The following ITPRID1 variants were observed in gnomAD, a reference collection of about 807,000 sequenced individuals.
ITPRID1 encodes the protein protein ITPRID1.
Under a neutral mutation model 95.4 loss-of-function variants are expected in ITPRID1, and 96 were observed. The observed-to-expected ratio is 1.01, with a 90% CI of 0.85 to 1.19. ITPRID1 has a LOEUF of 1.19. ITPRID1 is among the 50% of genes most tolerant of loss of function. The probability of loss-of-function intolerance (pLI) is 0.00; values close to 1 mark genes in which losing one functional copy is unlikely to be tolerated. For missense variants in ITPRID1, 1,339 were observed against 1,252.9 expected, an observed-to-expected ratio of 1.07 and a Z score of -1.04; for synonymous variants, 510 against 453.6, an observed-to-expected ratio of 1.12 and a Z score of -1.58.
At chr7:31,532,155 T>G (rs773856909) in intron 1 of ITPRID1, among the ~76,000 whole-genome samples, 5 of 152,166 alleles carry the variant, frequency 3.3e-5, no homozygotes, top group Non-Finnish European at 7.3e-5. Context: ...TTATTTTATT[T>G]TGTTGCATGT....
Position 31,643,209 on chromosome 7 carries a change from C to G in ITPRID1, c.1839C>G (p.Asp613Glu), listed in dbSNP as rs143660819. 2 of 1,613,868 alleles carry G rather than the reference C, an allele frequency of 1.2e-6. No individual in the cohort carries two copies. The highest frequency in any genetic ancestry group is 1.7e-6 in the Non-Finnish European group (2 of 1,179,906). Residue 613 changes from aspartate (D) to glutamate (E), a missense_variant, in exon 12 of 15, where the codon GAC becomes GAG. Asp to Glu is a conservative substitution (Grantham distance 45). Transcript: ENST00000615280. ...CTCAAGACAAGTTCCTTCATGTTGA[C>G]TCTGAGGCCCCACGAGAAGAGGAAA... ...DHTQDKFLHV[D>E]SEAPREEESS...
chr7:31,583,335 C>A lies in ITPRID1; in HGVS notation c.1228+144C>A, dbSNP rs998826087. 2.8e-5 allele frequency: 16 copies of A among 566,828 alleles called. No individual in the cohort carries two copies. The African/African-American group carries it at 3.1e-4, about 11-fold the overall frequency. The allele number at this position is 566,828 out of a possible 1,614,324, so 35.1% of individuals were successfully genotyped here. A position where few individuals can be genotyped will look rare whatever the true frequency, so the allele number is the denominator to read the frequency against. On this transcript the variant is annotated intron_variant, in intron 10 of 14. Coordinates refer to ENST00000615280, the MANE Select transcript of ITPRID1 (RefSeq NM_001257967.3). ...ATGCATCTTCTGAGATATTAAAAGC[C>A]TACTGGCAGGCCGGGTGCGGTGGCT...
intron 10 of ITPRID1, among the ~76,000 whole-genome samples, chr7:31,586,974 G>T (rs1384464352): frequency 6.6e-6 from 1 of 152,042 alleles, no homozygotes; most frequent in African/African-American, 2.4e-5. Context: ...ATGGTTTTAG[G>T]TCTAACGTTT....
intron 1 of ITPRID1, among the ~76,000 whole-genome samples, chr7:31,543,438 G>A (rs1472188621): frequency 3.3e-5 from 5 of 152,042 alleles, no homozygotes; most frequent in Non-Finnish European, 7.4e-5. Context: ...TTGCTTATGA[G>A]TATATTCATA....
chr7:31,552,313 G>A (rs902569430), intron 2 of ITPRID1, among the ~76,000 whole-genome samples: 1 of 104,976 alleles, frequency 9.5e-6, no homozygotes, highest in African/African-American at 2.8e-5. Context: ...CTGGCTGGCT[G>A]TTTGGCTTTG....
intron 10 of ITPRID1, among the ~76,000 whole-genome samples, chr7:31,592,750 C>A (rs1388468766): frequency 6.6e-6 from 1 of 152,142 alleles, no homozygotes; most frequent in African/African-American, 2.4e-5. Flanking sequence ...TAGTGTATGG[C>A]CCACTGCCTA....
chr7:31,550,118 CT>C (rs995446792), intron 2 of ITPRID1, among the ~76,000 whole-genome samples: 14 of 148,144 alleles, frequency 9.5e-5, no homozygotes, highest in East Asian at 2.0e-4. Flanking sequence ...ATTTTGGTAC[CT>C]TTTTTTTTCC....
chr7:31,633,180 C>T (rs1018274189), intron 10 of ITPRID1, among the ~76,000 whole-genome samples: 2 of 151,646 alleles, frequency 1.3e-5, no homozygotes, highest in Admixed American at 6.6e-5. Context: ...CTACCGCGAC[C>T]GGCCAGGTCT....
chr7:31,653,072 C>A lies in ITPRID1; in HGVS notation c.*243C>A. ...TATGCAACAGTGACTAAATAGTATA[C>A]GGTCTCTGCCCTGCTAGAACTTACA... On this transcript the variant is annotated 3_prime_UTR_variant, in exon 15 of 15. Coordinates refer to ENST00000615280, the MANE Select transcript of ITPRID1 (RefSeq NM_001257967.3). 1.0e-6 allele frequency: 1 copy of A among 956,612 alleles called. No homozygotes were observed. Among genetic ancestry groups the A allele is most frequent in the Non-Finnish European group, 1.4e-6 (1 of 697,528 alleles). The allele number at this position is 956,612 out of a possible 1,614,324, so 59.3% of individuals were successfully genotyped here. A position where few individuals can be genotyped will look rare whatever the true frequency, so the allele number is the denominator to read the frequency against.
In ITPRID1 at chr7:31,643,799, A is replaced by T; in HGVS notation, c.2429A>T (p.His810Leu). The T allele has an allele frequency of 1.2e-6, 2 of 1,613,922 alleles. No individual in the cohort carries two copies. The highest frequency in any genetic ancestry group is 1.6e-4 in the Middle Eastern group (1 of 6,062). The change falls in exon 12 of 15, where the codon CAT (histidine) becomes CTT (leucine). Residue 810 changes from histidine (H) to leucine (L), a missense_variant. Coordinates refer to ENST00000615280, the MANE Select transcript of ITPRID1 (RefSeq NM_001257967.3). The stretch of plus-strand genomic sequence containing the variant: ...CCTGCCCACTGCTGCATCTGCTGTC[A>T]TCACCACCCTCACTGCCACGGGGAG... ...AIPAHCCICC[H>L]HHPHCHGERQ...
intron 9 of ITPRID1, among the ~76,000 whole-genome samples, chr7:31,581,482 A>G: frequency 6.6e-6 from 1 of 152,272 alleles, no homozygotes; most frequent in South Asian, 2.1e-4. Context: ...CATATCCATA[A>G]TAAATGATTT....
At chr7:31,622,908 A>C (rs1481649523) in intron 10 of ITPRID1, among the ~76,000 whole-genome samples, 1 of 152,220 alleles carries the variant, frequency 6.6e-6, no homozygotes, top group Non-Finnish European at 1.5e-5. Context: ...ACACAATAAA[A>C]AATGATAAAG....
chr7:31,587,103 A>G (rs1168073847), intron 10 of ITPRID1, among the ~76,000 whole-genome samples: 4 of 151,956 alleles, frequency 2.6e-5, no homozygotes, highest in Non-Finnish European at 5.9e-5. Flanking sequence ...CTCTCTCACC[A>G]CTCCTTTTCA....
chr7:31,655,077 T>G lies in ITPRID1; in HGVS notation c.*2248T>G, dbSNP rs1370424092. Among the ~76,000 whole-genome samples the G allele has an allele frequency of 6.6e-6, 1 of 152,166 alleles. No individual in the cohort carries two copies. The highest frequency in any genetic ancestry group is 2.4e-5 in the African/African-American group (1 of 41,442). On this transcript the variant is annotated 3_prime_UTR_variant, in exon 15 of 15. Transcript: ENST00000615280. ...ACTCTCCAAGCATCTATGACCCTGA[T>G]TCCCAGCTCTCTCCAGTATCCCAGC... is the stretch of plus-strand genomic sequence containing the variant.
chr7:31,650,524 C>CA (rs1377720267), intron 12 of ITPRID1, among the ~76,000 whole-genome samples: 1 of 152,166 alleles, frequency 6.6e-6, no homozygotes, highest in Non-Finnish European at 1.5e-5. Context: ...AAAGCGTAGA[C>CA]AAAGTTCAAT....
chr7:31,565,739 A>AAAAAATAAT (rs111795694), intron 5 of ITPRID1, among the ~76,000 whole-genome samples: 1 of 150,308 alleles, frequency 6.7e-6, no homozygotes, highest in African/African-American at 2.5e-5. Context: ...CTCCATCTCA[A>AAAAAATAAT]AAAAATAAAA....
At chr7:31,642,084 C>A in intron 10 of ITPRID1, 92 bp from the exon 11 acceptor site, 1 of 741,404 alleles carries the variant, frequency 1.3e-6, no homozygotes, top group Non-Finnish European at 2.2e-6. Flanking sequence ...CTGCAGGATC[C>A]ATGGTGTGTC....
In ITPRID1 at chr7:31,651,235, G is replaced by T. The variant is rs1428399751; in HGVS notation, c.2677G>T (p.Ala893Ser). ...TGAACAGCACCTTATGGGACAGCAG[G>T]CCCTCTTTTCCAGGGACATGTCAGA... is the stretch of plus-strand genomic sequence containing the variant. ...EIEQHLMGQQ[A>S]LFSRDMSEEE... is the part of the protein sequence containing the mutation. The change falls in exon 13 of 15, where the codon GCC becomes TCC. Residue 893 changes from alanine (A) to serine (S), a missense_variant. Transcript: ENST00000615280. The T allele has an allele frequency of 6.2e-7, 1 of 1,613,524 alleles. No homozygotes were observed. The highest frequency in any genetic ancestry group is 1.7e-5 in the Admixed American group (1 of 59,998).
intron 5 of ITPRID1, among the ~76,000 whole-genome samples, chr7:31,556,464 G>T (rs1034381037): frequency 2.0e-5 from 3 of 152,108 alleles, no homozygotes; most frequent in African/African-American, 7.2e-5. Flanking sequence ...TGCCATGATT[G>T]TTGGTCACAG....
Sources: gnomAD v4.1 joint callset for allele counts (sites outside exome capture counted in the v4.1 genomes callset) on GRCh38, gnomAD v4.1.1 for gene constraint, MANE v1.5 for transcripts, NCBI Gene and HGNC (gene_info 2026-07-23, HGNC 2026-07-21) for gene names.